Variants in KIF12 observed in about 807,000 individuals in gnomAD.
KIF12 encodes the protein kinesin family member 12.
KIF12 carries 80 observed loss-of-function variants against 87.9 expected under a neutral mutation model. That is an observed-to-expected ratio of 0.91 (90% CI 0.76 to 1.10). The LOEUF (loss-of-function observed/expected upper bound fraction) is 1.10. KIF12 is among the 50% of genes least tolerant of loss of function. KIF12 has a pLI of 0.00. For missense variants in KIF12, 819 were observed against 865.3 expected (o/e 0.95, Z 0.67); for synonymous variants, 353 against 348.5 (o/e 1.01, Z -0.14).
intron 3 of KIF12, 84 bp downstream of exon 3, chr9:114,098,851 G>C: frequency 1.4e-6 from 2 of 1,460,520 alleles, no homozygotes; most frequent in Non-Finnish European, 1.8e-6. Context: ...GGGGAGCGCG[G>C]GGCCTAGGGC....
rs1245521246 is a variant in KIF12, at chr9:114,096,465, T to A, written c.660A>T (p.Arg220=). The A allele has an allele frequency of 1.2e-6, 2 of 1,610,754 alleles. No homozygotes were observed. Among genetic ancestry groups the A allele is most frequent in the Non-Finnish European group, 1.7e-6 (2 of 1,178,698 alleles). ...MELLQTGLSR[R]RNSAHTLNQA... is the part of the protein sequence containing the mutation. ...GGTTCAGGGTGTGGGCTGAGTTCCT[T>A]CGACGGCTGAGACCTGGAAGGGAAA... is the stretch of plus-strand genomic sequence containing the variant. Residue 220 remains arginine (R), a synonymous_variant, in exon 8 of 19, where the codon CGA becomes CGT. Transcript: ENST00000640217.
At chr9:114,096,308 C>T (rs1166895785) in intron 8 of KIF12, 79 bp downstream of exon 8, 2 of 1,597,230 alleles carry the variant, frequency 1.3e-6, no homozygotes, top group East Asian at 2.3e-5. Context: ...CCATGCACAC[C>T]CAAGTTGGTT....
In KIF12 at chr9:114,098,960, T is replaced by C; in HGVS notation, c.146A>G (p.His49Arg). The change falls in exon 3 of 19, where the codon CAC (histidine) becomes CGC (arginine). Residue 49 changes from histidine to arginine, a missense_variant. Coordinates refer to ENST00000640217, the MANE Select transcript of KIF12 (RefSeq NM_001388308.1). ...ELRRGQQSVLHCSGTRTLQVS... is the reference protein window; with the variant it reads ...ELRRGQQSVLRCSGTRTLQVS... ...CTGCAGAGTCCGGGTCCCTGAGCAG[T>C]GCAGCACGCTCTGCTGCCCTCGACG... 2 of 1,550,132 alleles carry C rather than the reference T, an allele frequency of 1.3e-6. No individual in the cohort carries two copies. The highest frequency in any genetic ancestry group is 1.7e-6 in the Non-Finnish European group (2 of 1,146,752).
chr9:114,097,831 G>A (rs1588508165), intron 5 of KIF12, 90 bp from the exon 6 acceptor site: 2 of 1,406,602 alleles, frequency 1.4e-6, no homozygotes, highest in South Asian at 1.4e-5. Context: ...CGGGAAACGT[G>A]CCAAGTTCCC....
chr9:114,098,771 G>A (rs1011107430), intron 3 of KIF12, among the ~76,000 whole-genome samples, 164 bp downstream of exon 3: 1 of 148,214 alleles, frequency 6.7e-6, no homozygotes, highest in Admixed American at 6.7e-5. Context: ...GCACCCTGGC[G>A]GAGGGCTGGG....
chr9:114,095,933 G>C, intron 9 of KIF12, 118 bp downstream of exon 9: 4 of 1,162,370 alleles, frequency 3.4e-6, no homozygotes, highest in Non-Finnish European at 4.8e-6. Context: ...TTCCTGGATC[G>C]CAGCTCTTTA....
At position 114,092,456 on chromosome 9, in the gene KIF12, G is replaced by A; in HGVS notation, c.1698-5C>T. 1 of 1,613,686 alleles carries A rather than the reference G, an allele frequency of 6.2e-7. No individual in the cohort carries two copies. The highest frequency in any genetic ancestry group is 8.5e-7 in the Non-Finnish European group (1 of 1,179,858). ...TGAGTCCAGTCACTGTGACTCCTGGGCCAGGGTGAGTTGGGAGATGGGAGG... is the reference window on the plus strand; with the variant it reads ...TGAGTCCAGTCACTGTGACTCCTGGACCAGGGTGAGTTGGGAGATGGGAGG... On this transcript the variant is annotated splice_region_variant and splice_polypyrimidine_tract_variant and intron_variant, in intron 17 of 18. Coordinates refer to ENST00000640217, the MANE Select transcript of KIF12 (RefSeq NM_001388308.1).
At chr9:114,098,909 G>T in intron 3 of KIF12, 26 bp downstream of exon 3, 1 of 1,540,964 alleles carries the variant, frequency 6.5e-7, no homozygotes. Flanking sequence ...TTTTTTATTG[G>T]GGAGATAGAG....
Position 114,098,008 on chromosome 9 carries a change from G to T in KIF12, c.375+107C>A, listed in dbSNP as rs924147482. 4.6e-5 allele frequency: 53 copies of T among 1,150,802 alleles called. 1 individual carries two copies. Among genetic ancestry groups the T allele is most frequent in the Admixed American group, 8.5e-5 (3 of 35,282 alleles). The allele number at this position is 1,150,802 out of a possible 1,614,324, so 71.3% of individuals were successfully genotyped here. On this transcript the variant is annotated intron_variant, in intron 5 of 18. Coordinates refer to ENST00000640217, the MANE Select transcript of KIF12 (RefSeq NM_001388308.1). Reference sequence around the variant, plus strand: ...CGTCTGCAAACAAGCGGGTCAGGCGGCGTCGTCCCAGCCCCTTCCCTCTGG... The same window carrying T: ...CGTCTGCAAACAAGCGGGTCAGGCGTCGTCGTCCCAGCCCCTTCCCTCTGG...
chr9:114,092,829 T>C, intron 16 of KIF12, 187 bp from the exon 17 acceptor site: 2 of 1,440,866 alleles, frequency 1.4e-6, no homozygotes, highest in Non-Finnish European at 1.8e-6. Flanking sequence ...TACCGTCCTC[T>C]CCTGAGACTA....
chr9:114,093,157 G>T, intron 16 of KIF12, 72 bp downstream of exon 16: 1 of 1,362,650 alleles, frequency 7.3e-7, no homozygotes, highest in Non-Finnish European at 1.0e-6. Flanking sequence ...CTGGGGCTCT[G>T]GATTGATGAC....
rs1226666616 is a variant in KIF12 at position 114,099,163 on chromosome 9, G to T, written c.33C>A (p.Leu11=). 14 of 1,550,536 alleles carry T rather than the reference G, an allele frequency of 9.0e-6. No homozygotes were observed. In the South Asian group the frequency reaches 1.2e-4, roughly 13 times the overall value. Residue 11 remains leucine (L), a synonymous_variant, in exon 2 of 19, where the codon CTC becomes CTA. Transcript: ENST00000640217. ...CTGGCCCTTGCTCCAGGCTCCGCGC[G>T]AGATCCCTGTGGGCAGCAATGCGAC... The part of the protein sequence containing the change: MEERGSPDGD[L]ARSLEQGPEG...
intron 8 of KIF12, 90 bp from the exon 9 acceptor site, chr9:114,096,297 C>T: frequency 6.3e-7 from 1 of 1,596,650 alleles, no homozygotes; most frequent in Non-Finnish European, 8.6e-7. Flanking sequence ...ATTATTAACC[C>T]CCATGCACAC....
chr9:114,098,908 G>T, intron 3 of KIF12, 27 bp downstream of exon 3: 1 of 1,540,578 alleles, frequency 6.5e-7, no homozygotes. Context: ...ATTTTTTATT[G>T]GGGAGATAGA....
chr9:114,096,545 G>T, intron 7 of KIF12, 67 bp from the exon 8 acceptor site: 1 of 1,333,736 alleles, frequency 7.5e-7, no homozygotes, highest in South Asian at 1.3e-5. Context: ...TGAAGAAAAA[G>T]GAGCAAAGGA....
chr9:114,099,197 C>T (rs751256757), intron 1 of KIF12, 28 bp from the exon 2 acceptor site: 2 of 1,550,872 alleles, frequency 1.3e-6, no homozygotes, highest in South Asian at 1.2e-5. Flanking sequence ...ACTTATCATA[C>T]CTGCACCTAG....
intron 7 of KIF12, 61 bp from the exon 8 acceptor site, chr9:114,096,539 GA>G: frequency 7.3e-7 from 1 of 1,379,280 alleles, no homozygotes; most frequent in Non-Finnish European, 1.0e-6. Flanking sequence ...CATCAATGAA[GA>G]AAAAGGAGCA....
intron 8 of KIF12, 31 bp downstream of exon 8, chr9:114,096,356 G>A: frequency 6.2e-7 from 1 of 1,605,870 alleles, no homozygotes; most frequent in Non-Finnish European, 8.5e-7. Context: ...GGTGGCCCCG[G>A]GTAAGCACCT....
Position 114,094,421 on chromosome 9 carries a change from G to A in KIF12, c.1154C>T (p.Thr385Ile). 4 of 1,613,902 alleles carry A rather than the reference G, an allele frequency of 2.5e-6. 1 individual carries two copies. The highest frequency in any genetic ancestry group is 3.3e-4 in the Middle Eastern group (2 of 6,062). The change falls in exon 12 of 19, where the codon ACA (threonine) becomes ATA (isoleucine). Residue 385 changes from threonine to isoleucine, a missense_variant. Transcript: ENST00000640217. ...PVAKQPQRLETEMLQLQEENR... is the reference protein window; with the variant it reads ...PVAKQPQRLEIEMLQLQEENR... ...CTCCTCCTGGAGCTGCAGCATCTCTGTCTCCAAACGCTGGGGCTGCTTTGC... is the reference window on the plus strand; with the variant it reads ...CTCCTCCTGGAGCTGCAGCATCTCTATCTCCAAACGCTGGGGCTGCTTTGC...
Sources: gnomAD v4.1 joint callset for allele counts (sites outside exome capture counted in the v4.1 genomes callset) on GRCh38, gnomAD v4.1.1 for gene constraint, MANE v1.5 for transcripts, NCBI Gene and HGNC (gene_info 2026-07-23, HGNC 2026-07-21) for gene names.